RPS6KC1: variants seen among roughly 807,000 people sequenced by gnomAD.
RPS6KC1 encodes inactive ribosomal protein S6 kinase delta-1.
Under a neutral mutation model 103.8 loss-of-function variants are expected in RPS6KC1, and 54 were observed. That is an observed-to-expected ratio of 0.52 (90% CI 0.42 to 0.65). RPS6KC1 has a LOEUF of 0.65. RPS6KC1 is among the 30% of genes least tolerant of loss of function. The pLI is 0.00. For missense variants in RPS6KC1, 1,151 were observed against 1,253.8 expected (o/e 0.92, Z 1.24); for synonymous variants, 439 against 438.7 (o/e 1.00, Z -0.01).
the RPS6KC1 span, among the ~76,000 whole-genome samples, chr1:213,350,394 G>A: frequency 6.6e-6 from 1 of 152,186 alleles, no homozygotes; most frequent in African/African-American, 2.4e-5. Flanking sequence ...CAGGAAAAGA[G>A]CTATCGAGGA....
chr1:213,731,717 C>T, the RPS6KC1 span, among the ~76,000 whole-genome samples: 587 of 151,726 alleles, frequency 3.9e-3, 4 homozygotes, highest in African/African-American at 0.013. Context: ...TATTATGCAT[C>T]GATAAAAATA....
intron 3 of RPS6KC1, among the ~76,000 whole-genome samples, chr1:213,088,472 C>G (rs2080638169): frequency 6.6e-6 from 1 of 151,938 alleles, no homozygotes; most frequent in Non-Finnish European, 1.5e-5. Flanking sequence ...AAGCGATTCT[C>G]CGGCTTCAGC....
chr1:213,334,781 C>T, the RPS6KC1 span, among the ~76,000 whole-genome samples: 1 of 152,212 alleles, frequency 6.6e-6, no homozygotes, highest in Non-Finnish European at 1.5e-5. Context: ...CTCTCTTTCT[C>T]TCCTTTATCC....
the RPS6KC1 span, among the ~76,000 whole-genome samples, chr1:213,348,761 G>T: frequency 1.3e-5 from 2 of 152,324 alleles, no homozygotes; most frequent in Non-Finnish European, 2.9e-5. Flanking sequence ...TTCTCCTTAT[G>T]GGTAAAATAA....
chr1:213,757,967 A>G, the RPS6KC1 span, among the ~76,000 whole-genome samples: 6 of 152,122 alleles, frequency 3.9e-5, no homozygotes, highest in African/African-American at 1.4e-4. Context: ...AGCATGGTTA[A>G]CTCAATATTT....
chr1:213,857,919 C>A, the RPS6KC1 span, among the ~76,000 whole-genome samples: 1 of 152,194 alleles, frequency 6.6e-6, no homozygotes, highest in East Asian at 1.9e-4. Context: ...TGAAAAGTAG[C>A]TTCTCATGCC....
chr1:213,242,747 C>G, intron 12 of RPS6KC1, 89 bp downstream of exon 12: 1 of 1,012,028 alleles, frequency 9.9e-7, no homozygotes, highest in Non-Finnish European at 1.5e-6. Context: ...GTATTGTTCA[C>G]TAGCAGTTTA....
chr1:213,190,140 A>G (rs560441379), intron 8 of RPS6KC1, among the ~76,000 whole-genome samples: 245 of 152,178 alleles, frequency 1.6e-3, no homozygotes, highest in African/African-American at 5.8e-3. Context: ...TCTTTGATTT[A>G]TTGATTTCCT....
intron 10 of RPS6KC1, among the ~76,000 whole-genome samples, chr1:213,238,170 TA>T (rs1480878023): frequency 6.6e-6 from 1 of 151,398 alleles, no homozygotes; most frequent in African/African-American, 2.4e-5. Context: ...TCATAAGGAG[TA>T]TGAAGGTGGA....
the RPS6KC1 span, among the ~76,000 whole-genome samples, chr1:213,726,634 C>A: frequency 6.6e-6 from 1 of 152,298 alleles, no homozygotes; most frequent in East Asian, 1.9e-4. Context: ...ATACTGCAAC[C>A]TTTCTCATCA....
intron 4 of RPS6KC1, 142 bp downstream of exon 4, chr1:213,104,711 C>T: frequency 2.4e-6 from 1 of 409,440 alleles, no homozygotes; most frequent in Non-Finnish European, 4.3e-6. Flanking sequence ...ATGTTTATGG[C>T]ATATTTCCTA....
At chr1:213,686,317 A>G in the RPS6KC1 span, among the ~76,000 whole-genome samples, 14 of 152,200 alleles carry the variant, frequency 9.2e-5, no homozygotes, top group East Asian at 2.7e-3. Context: ...CCAGCTGAGA[A>G]AGAACTCCTG....
At chr1:213,527,352 C>T in the RPS6KC1 span, among the ~76,000 whole-genome samples, 5 of 152,116 alleles carry the variant, frequency 3.3e-5, no homozygotes, top group East Asian at 5.8e-4. Flanking sequence ...TATATAGAGC[C>T]GAGAGGTTTT....
At chr1:213,634,812 C>CA in the RPS6KC1 span, among the ~76,000 whole-genome samples, 1 of 150,866 alleles carries the variant, frequency 6.6e-6, no homozygotes, top group African/African-American at 2.4e-5. Context: ...AAAAACCCTT[C>CA]AAAAAATCAA....
At chr1:213,360,831 C>A in the RPS6KC1 span, among the ~76,000 whole-genome samples, 1 of 152,258 alleles carries the variant, frequency 6.6e-6, no homozygotes, top group East Asian at 1.9e-4. Context: ...TACTCCAGAC[C>A]CTGTTTGCCT....
At chr1:213,680,755 G>A in the RPS6KC1 span, among the ~76,000 whole-genome samples, 1 of 152,108 alleles carries the variant, frequency 6.6e-6, no homozygotes, top group African/African-American at 2.4e-5. Flanking sequence ...AGTAAGGCAG[G>A]TTTGAGATGC....
At chr1:213,680,984 A>G in the RPS6KC1 span, among the ~76,000 whole-genome samples, 1 of 152,224 alleles carries the variant, frequency 6.6e-6, no homozygotes, top group Admixed American at 6.5e-5. Context: ...CTCAGCGGTG[A>G]GGCCCTTTTT....
At chr1:213,521,459 G>C in the RPS6KC1 span, among the ~76,000 whole-genome samples, 1 of 152,194 alleles carries the variant, frequency 6.6e-6, no homozygotes, top group East Asian at 1.9e-4. Flanking sequence ...GGTGATTGCT[G>C]ATGGTTGGGG....
At chr1:213,743,082 C>T in the RPS6KC1 span, among the ~76,000 whole-genome samples, 7 of 152,324 alleles carry the variant, frequency 4.6e-5, no homozygotes, top group Admixed American at 4.6e-4. Flanking sequence ...AAGACACATG[C>T]ACTCATATGT....
Sources: gnomAD v4.1 joint callset for allele counts (sites outside exome capture counted in the v4.1 genomes callset) on GRCh38, gnomAD v4.1.1 for gene constraint, MANE v1.5 for transcripts, NCBI Gene and HGNC (gene_info 2026-07-23, HGNC 2026-07-21) for gene names.